The following PTPRG variants were observed in gnomAD, a reference collection of about 807,000 sequenced individuals.
The protein encoded by PTPRG is protein tyrosine phosphatase receptor type G, also known as receptor-type tyrosine-protein phosphatase gamma.
Under a neutral mutation model 165.3 loss-of-function variants are expected in PTPRG, and 102 were observed. That is an observed-to-expected ratio of 0.62 (90% CI 0.53 to 0.73). The LOEUF (loss-of-function observed/expected upper bound fraction) is 0.73. Among genes scored for constraint, PTPRG ranks in the 30% least tolerant of loss-of-function variants. The probability of loss-of-function intolerance (pLI) is 0.00; values close to 1 mark genes in which losing one functional copy is unlikely to be tolerated. For synonymous variants in PTPRG, 675 were observed against 669.5 expected, an observed-to-expected ratio of 1.01 and a Z score of -0.13; for missense variants, 1,866 against 1,861.4, an observed-to-expected ratio of 1.00 and a Z score of -0.05.
intron 7 of PTPRG, among the ~76,000 whole-genome samples, chr3:62,164,161 GC>G (rs755961166): frequency 3.3e-5 from 5 of 152,202 alleles, no homozygotes; most frequent in Non-Finnish European, 7.3e-5. Context: ...TGTGGCTCCA[GC>G]CTGATTTCCA....
intron 2 of PTPRG, among the ~76,000 whole-genome samples, chr3:61,835,674 A>G (rs1003192273): frequency 6.6e-6 from 1 of 152,042 alleles, no homozygotes; most frequent in East Asian, 1.9e-4. Context: ...CCTTGTTGGT[A>G]GTCTGAAGTG....
chr3:61,641,990 A>C, intron 1 of PTPRG, among the ~76,000 whole-genome samples: 1 of 152,144 alleles, frequency 6.6e-6, no homozygotes, highest in South Asian at 2.1e-4. Flanking sequence ...CAGCCTCCTC[A>C]TCTGGAAGCC....
chr3:61,722,221 A>G (rs1405486204), intron 1 of PTPRG, among the ~76,000 whole-genome samples: 1 of 132,406 alleles, frequency 7.6e-6, no homozygotes, highest in Admixed American at 7.9e-5. Flanking sequence ...GGCAAAACAA[A>G]TACACACACA....
At chr3:61,831,240 G>C (rs1479162742) in intron 2 of PTPRG, among the ~76,000 whole-genome samples, 1 of 152,136 alleles carries the variant, frequency 6.6e-6, no homozygotes, top group African/African-American at 2.4e-5. Context: ...ATTTTTCACT[G>C]AAATATAGAA....
intron 1 of PTPRG, among the ~76,000 whole-genome samples, chr3:61,591,577 C>G (rs1700570105): frequency 6.6e-6 from 1 of 152,162 alleles, no homozygotes; most frequent in Non-Finnish European, 1.5e-5. Context: ...GCTTCTCCTT[C>G]TCTAGGCCAG....
chr3:62,124,581 T>G, intron 5 of PTPRG: 1 of 1,295,526 alleles, frequency 7.7e-7, no homozygotes, highest in Non-Finnish European at 1.1e-6. Flanking sequence ...TTTTTCCTAA[T>G]GGACCTCACG....
chr3:62,122,286 T>C (rs2106894395), intron 5 of PTPRG, among the ~76,000 whole-genome samples: 1 of 152,292 alleles, frequency 6.6e-6, no homozygotes, highest in South Asian at 2.1e-4. Flanking sequence ...TCATAGAGGA[T>C]GATGACAAGG....
At chr3:61,973,236 G>A (rs535793772) in intron 2 of PTPRG, among the ~76,000 whole-genome samples, 9 of 152,292 alleles carry the variant, frequency 5.9e-5, no homozygotes, top group African/African-American at 1.9e-4. Flanking sequence ...GCAAGGAAAG[G>A]AATTCTAAAT....
chr3:62,015,937 G>A (rs1425322593), intron 4 of PTPRG, among the ~76,000 whole-genome samples: 6 of 152,160 alleles, frequency 3.9e-5, no homozygotes, highest in African/African-American at 2.4e-5. Flanking sequence ...CAGTCAGTAA[G>A]TTTTTTAAAA....
chr3:61,804,679 CAAAAAAA>C (rs201093675), intron 2 of PTPRG, among the ~76,000 whole-genome samples: 2 of 115,364 alleles, frequency 1.7e-5, no homozygotes, highest in South Asian at 2.7e-4. Flanking sequence ...TTTCTCTCTC[CAAAAAAA>C]AAAAAAAAAT....
At chr3:61,687,025 C>T (rs1703656639) in intron 1 of PTPRG, among the ~76,000 whole-genome samples, 1 of 152,034 alleles carries the variant, frequency 6.6e-6, no homozygotes. Context: ...AAAGACATCC[C>T]CAAAACCAGC....
At chr3:62,286,600 CTTTCA>C (rs1702672313) in intron 28 of PTPRG, among the ~76,000 whole-genome samples, 1 of 151,722 alleles carries the variant, frequency 6.6e-6, no homozygotes, top group Non-Finnish European at 1.5e-5. Flanking sequence ...GCTTAAAGTA[CTTTCA>C]TTTCTTTTGT....
chr3:61,660,962 A>C (rs1251809984), intron 1 of PTPRG, among the ~76,000 whole-genome samples: 1 of 152,206 alleles, frequency 6.6e-6, no homozygotes, highest in African/African-American at 2.4e-5. Context: ...GGATTGTGCC[A>C]CTTGCACTCC....
At chr3:61,929,788 G>A (rs753377984) in intron 2 of PTPRG, among the ~76,000 whole-genome samples, 30 of 152,170 alleles carry the variant, frequency 2.0e-4, no homozygotes, top group South Asian at 2.1e-4. Flanking sequence ...TCTTTCTAAC[G>A]TGTCAGCCTT....
At chr3:61,621,051 A>ATATATATATATATGTG in intron 1 of PTPRG, among the ~76,000 whole-genome samples, 5 of 117,942 alleles carry the variant, frequency 4.2e-5, no homozygotes, top group African/African-American at 1.5e-4. Flanking sequence ...ATATATATAT[A>ATATATATATATATGTG]TGTGTGTGTG....
chr3:61,583,729 A>G (rs1472139871), intron 1 of PTPRG, among the ~76,000 whole-genome samples: 2 of 152,148 alleles, frequency 1.3e-5, no homozygotes, highest in Non-Finnish European at 2.9e-5. Flanking sequence ...ATCTTGAGCC[A>G]CGTGACATGA....
intron 15 of PTPRG, among the ~76,000 whole-genome samples, chr3:62,250,986 C>T (rs901527454): frequency 5.3e-5 from 8 of 152,188 alleles, no homozygotes; most frequent in African/African-American, 1.4e-4. Flanking sequence ...CCCACCTCTT[C>T]AGGTACTGAT....
intron 4 of PTPRG, among the ~76,000 whole-genome samples, chr3:62,037,954 C>A (rs555848720): frequency 6.6e-6 from 1 of 152,268 alleles, no homozygotes; most frequent in South Asian, 2.1e-4. Flanking sequence ...AGTAGGGCTT[C>A]AATCTACGAA....
intron 2 of PTPRG, among the ~76,000 whole-genome samples, chr3:61,837,445 G>A (rs928951070): frequency 9.9e-5 from 15 of 152,188 alleles, no homozygotes; most frequent in Admixed American, 9.2e-4. Flanking sequence ...TGGAAGTTGA[G>A]TCACAAGCAG....
Sources: allele counts gnomAD v4.1 joint callset (sites outside exome capture counted in the v4.1 genomes callset), GRCh38; gene constraint gnomAD v4.1.1; transcripts MANE v1.5; gene names NCBI Gene and HGNC (gene_info 2026-07-23, HGNC 2026-07-21).